The following PLXNA2 variants were observed in gnomAD, a reference collection of about 807,000 sequenced individuals.
PLXNA2 encodes plexin-A2.
A neutral mutation model predicts 193.5 loss-of-function variants in PLXNA2; 91 were observed. The ratio of observed to expected loss-of-function variants is 0.47; its 90% confidence interval spans 0.40 to 0.56. PLXNA2 has a LOEUF of 0.56. PLXNA2 is among the 20% of genes least tolerant of loss of function. The pLI, the probability that PLXNA2 is intolerant of heterozygous loss-of-function variation, is 0.00. For synonymous variants in PLXNA2, 997 were observed against 1,027.3 expected (o/e 0.97, Z 0.56); for missense variants, 1,995 against 2,503.2 (o/e 0.80, Z 4.33).
intron 31 of PLXNA2, among the ~76,000 whole-genome samples, 153 bp from the exon 32 acceptor site, chr1:208,027,491 C>A (rs575873858): frequency 6.5e-4 from 99 of 152,234 alleles, no homozygotes; most frequent in Non-Finnish European, 1.2e-3. Context: ...TGAATGAATA[C>A]ATGCACACAC....
rs376921590 is a variant in PLXNA2, at chr1:208,163,433, G to T, written c.1372-20970C>A. Among the ~76,000 whole-genome samples, 17 of 152,252 alleles carry T rather than the reference G, an allele frequency of 1.1e-4. 1 individual carries two copies. Among genetic ancestry groups the T allele is most frequent in the African/African-American group, 3.9e-4 (16 of 41,550 alleles). ...GGTGAGGGAAAAGATGAACAGACAA[G>T]ATTTGGCAGCAAACTCAATGTGGGA... On this transcript the variant is annotated intron_variant, in intron 3 of 31. Coordinates refer to ENST00000367033, the MANE Select transcript of PLXNA2 (RefSeq NM_025179.4).
chr1:208,046,236 G>A, intron 17 of PLXNA2, 119 bp from the exon 18 acceptor site: 2 of 1,295,884 alleles, frequency 1.5e-6, no homozygotes, highest in South Asian at 3.1e-5. Flanking sequence ...TTACTTGCTT[G>A]TCTCCATTCC....
chr1:208,135,082 T>C (rs1323614080), intron 4 of PLXNA2, among the ~76,000 whole-genome samples: 2 of 151,944 alleles, frequency 1.3e-5, no homozygotes, highest in Non-Finnish European at 2.9e-5. Context: ...GTGGATGGTA[T>C]GCTAAGGGTC....
In PLXNA2 at chr1:208,027,242, C is replaced by G. The variant is rs1032480897; in HGVS notation, c.*1G>C. ...TTCCCAGGAATGCGAGGCTCCTCCT[C>G]TCAGCTCTCAATGGACATGGCATTA... is the stretch of plus-strand genomic sequence containing the variant. On this transcript the variant is annotated 3_prime_UTR_variant, in exon 32 of 32. Transcript: ENST00000367033. 1.2e-6 allele frequency: 2 copies of G among 1,612,868 alleles called. No homozygotes were observed. Among genetic ancestry groups the G allele is most frequent in the Non-Finnish European group, 8.5e-7 (1 of 1,179,344 alleles).
chr1:208,241,802 G>A (rs1290944667), intron 1 of PLXNA2, among the ~76,000 whole-genome samples: 1 of 152,094 alleles, frequency 6.6e-6, no homozygotes, highest in Non-Finnish European at 1.5e-5. Context: ...GCTCCTTTAG[G>A]TAATGCTGGT....
chr1:208,129,151 C>T (rs903703392), intron 4 of PLXNA2, among the ~76,000 whole-genome samples: 4 of 152,166 alleles, frequency 2.6e-5, no homozygotes, highest in African/African-American at 9.7e-5. Flanking sequence ...TTCCTTTATC[C>T]TCTTTCCATG....
intron 3 of PLXNA2, among the ~76,000 whole-genome samples, chr1:208,146,334 C>G (rs1018157113): frequency 6.6e-6 from 1 of 152,212 alleles, no homozygotes; most frequent in Non-Finnish European, 1.5e-5. Context: ...AAGCAATCTG[C>G]TTGGTGCCTA....
chr1:208,213,555 G>C (rs1311108039), intron 2 of PLXNA2, among the ~76,000 whole-genome samples: 1 of 152,192 alleles, frequency 6.6e-6, no homozygotes, highest in Non-Finnish European at 1.5e-5. Flanking sequence ...TTTAGGACTA[G>C]CTGCTATTCA....
intron 11 of PLXNA2, among the ~76,000 whole-genome samples, chr1:208,080,409 A>C (rs1666296344): frequency 6.6e-6 from 1 of 152,138 alleles, no homozygotes; most frequent in Non-Finnish European, 1.5e-5. Context: ...ACCTGGTCTT[A>C]GCTCCTTGCC....
intron 3 of PLXNA2, among the ~76,000 whole-genome samples, chr1:208,178,788 T>A (rs1669745851): frequency 6.6e-6 from 1 of 152,246 alleles, no homozygotes; most frequent in Admixed American, 6.5e-5. Flanking sequence ...AACTGGAAAC[T>A]TACAAAATCA....
At chr1:208,083,214 G>C (rs964677942) in intron 10 of PLXNA2, among the ~76,000 whole-genome samples, 1 of 152,154 alleles carries the variant, frequency 6.6e-6, no homozygotes, top group Admixed American at 6.5e-5. Context: ...ACAGCTTTCC[G>C]GGCACAGATC....
At chr1:208,242,257 A>T (rs1672080918) in intron 1 of PLXNA2, among the ~76,000 whole-genome samples, 2 of 152,186 alleles carry the variant, frequency 1.3e-5, no homozygotes, top group African/African-American at 4.8e-5. Flanking sequence ...AAAGAAGCCC[A>T]GCAAAGGAGG....
At chr1:208,052,951 G>T (rs1665312545) in intron 14 of PLXNA2, among the ~76,000 whole-genome samples, 2 of 151,962 alleles carry the variant, frequency 1.3e-5, no homozygotes, top group Non-Finnish European at 2.9e-5. Context: ...GAAGGGCACA[G>T]CAGGGCACCT....
rs1463949975 is a variant in PLXNA2, at chr1:208,023,314, T to A, written c.*3929A>T. 6.6e-6 allele frequency: 1 copy of A among 152,640 alleles called. No individual in the cohort carries two copies. The highest frequency in any genetic ancestry group is 2.4e-5 in the African/African-American group (1 of 41,444). 9.5% of individuals were successfully genotyped at this position (152,640 alleles called of 1,614,324 possible). A position where few individuals can be genotyped will look rare whatever the true frequency, so the allele number is the denominator to read the frequency against. ...CTGGAGCAGCTGCTGGATCAGTATTTACCAGGAGCAGGTTAATGGGGGCAG... is the reference window on the plus strand; with the variant it reads ...CTGGAGCAGCTGCTGGATCAGTATTAACCAGGAGCAGGTTAATGGGGGCAG... On this transcript the variant is annotated 3_prime_UTR_variant, in exon 32 of 32. Coordinates refer to ENST00000367033, the MANE Select transcript of PLXNA2 (RefSeq NM_025179.4).
intron 3 of PLXNA2, among the ~76,000 whole-genome samples, chr1:208,180,689 C>T (rs983139271): frequency 1.3e-5 from 2 of 152,240 alleles, no homozygotes; most frequent in African/African-American, 4.8e-5. Flanking sequence ...TAACTTTACA[C>T]AGCTAGCAAG....
chr1:208,037,646 C>A (rs1341152887), intron 26 of PLXNA2, among the ~76,000 whole-genome samples: 1 of 152,128 alleles, frequency 6.6e-6, no homozygotes, highest in Admixed American at 6.5e-5. Flanking sequence ...CTTACAGAGA[C>A]CCCCAGCTGC....
At chr1:208,112,651 G>A (rs1406152558) in intron 4 of PLXNA2, among the ~76,000 whole-genome samples, 2 of 152,146 alleles carry the variant, frequency 1.3e-5, no homozygotes, top group African/African-American at 2.4e-5. Flanking sequence ...GAAGCCACCC[G>A]GCCTCTTGGA....
chr1:208,129,341 G>T (rs1473628212), intron 4 of PLXNA2, among the ~76,000 whole-genome samples: 1 of 152,172 alleles, frequency 6.6e-6, no homozygotes, highest in Non-Finnish European at 1.5e-5. Context: ...TGGTGAGCTT[G>T]CCACAGAGAG....
intron 4 of PLXNA2, among the ~76,000 whole-genome samples, chr1:208,136,218 C>T (rs1668296645): frequency 6.6e-6 from 1 of 152,208 alleles, no homozygotes; most frequent in Non-Finnish European, 1.5e-5. Flanking sequence ...GATGAGCCGT[C>T]TTCAGTGCAC....
Sources: allele counts gnomAD v4.1 joint callset (sites outside exome capture counted in the v4.1 genomes callset), GRCh38; gene constraint gnomAD v4.1.1; transcripts MANE v1.5; gene names NCBI Gene and HGNC (gene_info 2026-07-23, HGNC 2026-07-21).